Variants in SRRM2 observed in about 807,000 individuals in gnomAD.
SRRM2 encodes the protein serine/arginine repetitive matrix 2, also known as serine/arginine repetitive matrix protein 2.
SRRM2 carries 30 observed loss-of-function variants against 213.8 expected under a neutral mutation model. The observed-to-expected ratio is 0.14, with a 90% CI of 0.10 to 0.19. SRRM2 has a LOEUF of 0.19. Among genes scored for constraint, SRRM2 ranks in the 10% least tolerant of loss-of-function variants. The pLI, the probability that SRRM2 is intolerant of heterozygous loss-of-function variation, is 1.00. For synonymous variants in SRRM2, 2,025 were observed against 1,377.7 expected (o/e 1.47, Z -10.40); for missense variants, 4,904 against 3,647.0 (o/e 1.34, Z -8.88).
chr16:2,764,325 G>A lies in SRRM2; in HGVS notation c.3797G>A (p.Ser1266Asn), dbSNP rs1453181053. 3.1e-6 allele frequency: 5 copies of A among 1,614,192 alleles called. No individual in the cohort carries two copies. The South Asian group carries it at 3.3e-5, about 11-fold the overall frequency. Reference sequence around the variant, plus strand: ...TCAGAACTTAAAGAAATGTCCACAAGTAACTTTGAATCATCTCCTGAAGTA... The same window carrying A: ...TCAGAACTTAAAGAAATGTCCACAAATAACTTTGAATCATCTCCTGAAGTA... The part of the protein sequence containing the change: ...LSSELKEMST[S>N]NFESSPEVEE... Residue 1266 changes from serine to asparagine, a missense_variant, in exon 11 of 15, where the codon AGT becomes AAT. By Grantham distance (46) the Ser-to-Asn change is conservative (BLOSUM62 1). Coordinates refer to ENST00000301740, the MANE Select transcript of SRRM2 (RefSeq NM_016333.4).
At chr16:2,753,010 CGCCGTTCCT>C (rs1179164673) in intron 1 of SRRM2, among the ~76,000 whole-genome samples, 164 bp downstream of exon 1, 1 of 150,662 alleles carries the variant, frequency 6.6e-6, no homozygotes, top group East Asian at 2.0e-4. Flanking sequence ...TCCCCCTTCC[CGCCGTTCCT>C]GTCGCGCGCG....
chr16:2,758,569 T>C, intron 5 of SRRM2, 22 bp downstream of exon 5: 1 of 1,605,064 alleles, frequency 6.2e-7, no homozygotes, highest in Non-Finnish European at 8.5e-7. Flanking sequence ...GGAAAGTGAC[T>C]CTGATAGCCA....
rs780792887 is a variant in SRRM2, at chr16:2,763,083, A to G, written c.2555A>G (p.Gln852Arg). The G allele has an allele frequency of 6.2e-7, 1 of 1,614,172 alleles. No individual in the cohort carries two copies. The highest frequency in any genetic ancestry group is 8.5e-7 in the Non-Finnish European group (1 of 1,180,024). The change falls in exon 11 of 15, where the codon CAA becomes CGA. Residue 852 changes from glutamine to arginine, a missense_variant. Transcript: ENST00000301740. ...PKVKSGTPPR[Q>R]GSITSPQANE... ...GTGAAATCTGGAACACCACCGAGGC[A>G]AGGGTCCATAACAAGTCCCCAGGCC... is the stretch of plus-strand genomic sequence containing the variant.
rs1007520872 is a variant in SRRM2, at chr16:2,770,684, C to G, written c.8216C>G (p.Pro2739Arg). Residue 2739 changes from proline to arginine, a missense_variant, in exon 14 of 15, where the codon CCT becomes CGT. Coordinates refer to ENST00000301740, the MANE Select transcript of SRRM2 (RefSeq NM_016333.4). ...AGCCACAAGCGCAGGAGGGAGACAC[C>G]TAGCCCTCGGCCCATGAGACACCGC... is the stretch of plus-strand genomic sequence containing the variant. ...SPSHKRRRET[P>R]SPRPMRHRSS... The G allele has an allele frequency of 1.3e-6, 2 of 1,556,500 alleles. No homozygotes were observed. The highest frequency in any genetic ancestry group is 1.2e-5 in the South Asian group (1 of 84,802).
chr16:2,767,469 C>T lies in SRRM2; in HGVS notation c.6941C>T (p.Ser2314Phe). Residue 2314 changes from serine (S) to phenylalanine (F), a missense_variant, in exon 11 of 15, where the codon TCT becomes TTT. Ser to Phe is a radical substitution (Grantham distance 155). Coordinates refer to ENST00000301740, the MANE Select transcript of SRRM2 (RefSeq NM_016333.4). ...TTGGCAGCTCTGAGTCTCACAGGCT[C>T]TGGCACACCACCAACTGCTGCAAAC... ...AALAALSLTG[S>F]GTPPTAANYP... 6.2e-7 allele frequency: 1 copy of T among 1,614,242 alleles called. No homozygotes were observed. Among genetic ancestry groups the T allele is most frequent in the East Asian group, 2.2e-5 (1 of 44,884 alleles).
chr16:2,760,623 T>G (rs118128316), intron 10 of SRRM2, 124 bp downstream of exon 10: 10,972 of 1,029,994 alleles, frequency 0.011, 95 homozygotes, highest in Non-Finnish European at 0.014. Flanking sequence ...TTTCCTGCAT[T>G]TCTCTCCTAG....
chr16:2,757,075 AAGG>A (rs771510729), intron 2 of SRRM2, among the ~76,000 whole-genome samples: 38 of 152,144 alleles, frequency 2.5e-4, no homozygotes, highest in Admixed American at 3.3e-4. Context: ...AATTTTGGAA[AAGG>A]AGCCCATTAA....
intron 1 of SRRM2, among the ~76,000 whole-genome samples, 171 bp downstream of exon 1, chr16:2,753,017 C>A (rs1000333278): frequency 2.7e-5 from 4 of 146,948 alleles, no homozygotes; most frequent in East Asian, 2.0e-4. Flanking sequence ...TCCCGCCGTT[C>A]CTGTCGCGCG....
rs775442864 is a variant in SRRM2 at position 2,762,841 on chromosome 16, T to G, written c.2313T>G (p.Ser771=). ...SLSSPRSKAK[S]RLSLRRSLSG... The stretch of plus-strand genomic sequence containing the variant: ...CTTCACCACGGTCCAAAGCAAAATC[T>G]CGCTTGTCTTTGAGGCGCAGCCTTT... The change falls in exon 11 of 15, where the codon TCT becomes TCG. Residue 771 remains serine (S), a synonymous_variant. Coordinates refer to ENST00000301740, the MANE Select transcript of SRRM2 (RefSeq NM_016333.4). 4.3e-6 allele frequency: 7 copies of G among 1,614,020 alleles called. No individual in the cohort carries two copies. The highest frequency in any genetic ancestry group is 5.9e-6 in the Non-Finnish European group (7 of 1,180,032).
At chr16:2,753,706 A>G (rs932399025) in intron 1 of SRRM2, 8 of 152,194 alleles carry the variant, frequency 5.3e-5, no homozygotes, top group Admixed American at 4.6e-4. Flanking sequence ...ACTCGGCTTC[A>G]GTTAGGACGA....
chr16:2,758,886 A>G, intron 5 of SRRM2, 99 bp from the exon 6 acceptor site: 2 of 1,342,992 alleles, frequency 1.5e-6, no homozygotes, highest in Non-Finnish European at 2.1e-6. Flanking sequence ...CTATTAGGAC[A>G]TTCAAGTGTT....
chr16:2,769,557 C>G (rs1447454501), intron 12 of SRRM2: 5 of 647,130 alleles, frequency 7.7e-6, no homozygotes, highest in Admixed American at 4.2e-5. Flanking sequence ...AGGGTTCTAG[C>G]TTTGTCTCCC....
At chr16:2,760,742 A>C in intron 10 of SRRM2, 1 of 490,936 alleles carries the variant, frequency 2.0e-6, no homozygotes, top group South Asian at 2.3e-5. Flanking sequence ...TCTTGTTTAT[A>C]CATAGATAGA....
At chr16:2,760,166 G>C in intron 9 of SRRM2, 135 bp from the exon 10 acceptor site, 1 of 796,714 alleles carries the variant, frequency 1.3e-6, no homozygotes, top group Non-Finnish European at 2.0e-6. Flanking sequence ...TGAATGATTT[G>C]AGTTGTGCGA....
Position 2,762,210 on chromosome 16 carries a change from G to T in SRRM2, c.1682G>T (p.Arg561Met). The T allele has an allele frequency of 6.2e-7, 1 of 1,614,098 alleles. No homozygotes were observed. Among genetic ancestry groups the T allele is most frequent in the Non-Finnish European group, 8.5e-7 (1 of 1,180,002 alleles). Residue 561 changes from arginine (R) to methionine (M), a missense_variant, in exon 11 of 15, where the codon AGG becomes ATG. Arg to Met is a moderately conservative substitution (Grantham distance 91). Transcript: ENST00000301740. ...RGRSRSARRG[R>M]SHSRSPATRG... Reference sequence around the variant, plus strand: ...AGGTCTAGGTCAGCAAGGCGAGGGAGGTCCCACTCTAGATCCCCAGCCACT... The same window carrying T: ...AGGTCTAGGTCAGCAAGGCGAGGGATGTCCCACTCTAGATCCCCAGCCACT...
chr16:2,767,022 C>G lies in SRRM2; in HGVS notation c.6494C>G (p.Pro2165Arg), dbSNP rs1358273204. 1 of 1,614,182 alleles carries G rather than the reference C, an allele frequency of 6.2e-7. No individual in the cohort carries two copies. The highest frequency in any genetic ancestry group is 1.7e-5 in the Admixed American group (1 of 60,028). ...ATGGATGGTCCAGGTCCCCGAATAC[C>G]TGACCACCAGAGAACATCTGTGCCA... ...SMMDGPGPRIPDHQRTSVPEN... is the reference protein window; with the variant it reads ...SMMDGPGPRIRDHQRTSVPEN... Residue 2165 changes from proline (P) to arginine (R), a missense_variant, in exon 11 of 15, where the codon CCT becomes CGT. Physicochemically the swap from Pro to Arg is moderately radical, Grantham distance 103 (BLOSUM62 -2). Coordinates refer to ENST00000301740, the MANE Select transcript of SRRM2 (RefSeq NM_016333.4).
At chr16:2,769,323 G>C in intron 12 of SRRM2, 39 bp downstream of exon 12, 2 of 1,528,630 alleles carry the variant, frequency 1.3e-6, no homozygotes, top group Non-Finnish European at 1.8e-6. Context: ...GTGGGTGGGG[G>C]AGTGACTTGT....
rs750917393 is a variant in SRRM2, at chr16:2,768,144, C to T, written c.7616C>T (p.Ser2539Phe). ...CGGAGTTCCTCCTCGTCGTCGTCGT[C>T]CTCTAGCTCCTCCTCTTCTTCATCA... Reference protein sequence around the residue: ...ERRSSSSSSSSSSSSSSSSSS... With the variant: ...ERRSSSSSSSFSSSSSSSSSS... The change falls in exon 11 of 15, where the codon TCC becomes TTC. Residue 2539 changes from serine to phenylalanine, a missense_variant. Coordinates refer to ENST00000301740, the MANE Select transcript of SRRM2 (RefSeq NM_016333.4). The T allele has an allele frequency of 2.0e-5, 32 of 1,613,540 alleles. No homozygotes were observed. The highest frequency in any genetic ancestry group is 2.6e-5 in the Non-Finnish European group (31 of 1,179,642).
chr16:2,764,846 A>AGCT lies in SRRM2; in HGVS notation c.4319_4320insCTG (p.Arg1440delinsSerTrp). 1.2e-6 allele frequency: 2 copies of AGCT among 1,614,218 alleles called. No homozygotes were observed. The highest frequency in any genetic ancestry group is 1.7e-6 in the Non-Finnish European group (2 of 1,180,028). On this transcript the variant is annotated protein_altering_variant, in exon 11 of 15. Transcript: ENST00000301740. ...ACCCAGAACTCCATCAAGGAGAAGCAGGTCTGGGTCTTCTCCAGGACTTAG... is the reference window on the plus strand; with the variant it reads ...ACCCAGAACTCCATCAAGGAGAAGCAGCTGGTCTGGGTCTTCTCCAGGACTTAG...
Sources: gnomAD v4.1 joint callset for allele counts (sites outside exome capture counted in the v4.1 genomes callset) on GRCh38, gnomAD v4.1.1 for gene constraint, MANE v1.5 for transcripts, NCBI Gene and HGNC (gene_info 2026-07-23, HGNC 2026-07-21) for gene names.